Variants in AATK observed in about 807,000 individuals in gnomAD.
The protein encoded by AATK is serine/threonine-protein kinase LMTK1.
A neutral mutation model predicts 114.3 loss-of-function variants in AATK; 91 were observed. The ratio of observed to expected loss-of-function variants is 0.80; its 90% CI spans 0.67 to 0.95. AATK has a LOEUF of 0.95. AATK is among the 40% of genes least tolerant of loss of function. AATK has a pLI of 0.00. For missense variants in AATK, 2,176 were observed against 1,965.2 expected, an observed-to-expected ratio of 1.11 and a Z score of -2.03; for synonymous variants, 1,075 against 916.5, an observed-to-expected ratio of 1.17 and a Z score of -3.12.
rs2060660547 is a variant in AATK at position 81,119,486 on chromosome 17, C to CGCAGCCGGGGCGGGT, written c.3963_3977dup (p.Ala1323_Pro1327dup). ...AGAAGGGAGCGGGCGTGGGCGTGGG[C>CGCAGCCGGGGCGGGT]GCAGCCGGGGCGGGTGCGGCCGGGT... On this transcript the variant is annotated inframe_insertion, in exon 13 of 14. Coordinates refer to ENST00000326724, the MANE Select transcript of AATK (RefSeq NM_001080395.3). 3 of 1,516,308 alleles carry CGCAGCCGGGGCGGGT rather than the reference C, an allele frequency of 2.0e-6. No homozygotes were observed. The African/African-American group carries it at 4.4e-5, about 22-fold the overall frequency. 93.9% of individuals were successfully genotyped at this position (1,516,308 alleles called of 1,614,324 possible).
Position 81,134,506 on chromosome 17 carries a change from G to A in AATK, c.56-5C>T, listed in dbSNP as rs372651217. ...GCTCGCTGAGCGGGGCGCCGTCTGC[G>A]GGAGAGCAGTGTGGTGAGAGTGGCC... On this transcript the variant is annotated splice_polypyrimidine_tract_variant and splice_region_variant and intron_variant, in intron 1 of 13. Transcript: ENST00000326724. 4.3e-6 allele frequency: 7 copies of A among 1,610,216 alleles called. No homozygotes were observed. Among genetic ancestry groups the A allele is most frequent in the East Asian group, 2.2e-5 (1 of 44,706 alleles).
intron 1 of AATK, among the ~76,000 whole-genome samples, chr17:81,148,064 C>CAAAAAAAAAAAAAA (rs35731140): frequency 3.1e-4 from 32 of 101,792 alleles, no homozygotes; most frequent in South Asian, 7.7e-4. Context: ...ACAACTTTGT[C>CAAAAAAAAAAAAAA]AAAAAAAAAA....
In AATK at chr17:81,119,250, CCGGGAA is replaced by C. The variant is rs370671031; in HGVS notation, c.4084+124_4084+129del. 6.5e-4 allele frequency: 635 copies of C among 981,914 alleles called. 5 individuals carry two copies. Among genetic ancestry groups the C allele is most frequent in the South Asian group, 2.2e-3 (117 of 52,728 alleles). 60.8% of individuals were successfully genotyped at this position (981,914 alleles called of 1,614,324 possible). On this transcript the variant is annotated intron_variant, in intron 13 of 13. Coordinates refer to ENST00000326724, the MANE Select transcript of AATK (RefSeq NM_001080395.3). ...GGTCTGGGGCCGGGAAGGAGCGGGG[CCGGGAA>C]GGAGCGGAGCGGAGCGGAGCCGGGG...
intron 1 of AATK, among the ~76,000 whole-genome samples, chr17:81,162,885 A>C (rs2061442485): frequency 6.6e-6 from 1 of 151,414 alleles, no homozygotes; most frequent in African/African-American, 2.4e-5. Context: ...ACTTCCACAA[A>C]CTCCAAGCCC....
At chr17:81,133,552 G>A (rs916870443) in intron 2 of AATK, among the ~76,000 whole-genome samples, 4 of 152,206 alleles carry the variant, frequency 2.6e-5, no homozygotes, top group South Asian at 2.1e-4. Context: ...GCTGACCCCC[G>A]TGGGCGTGTG....
chr17:81,119,342 C>CCGCCTGCCCTACCTCT lies in AATK; in HGVS notation c.4084+37_4084+38insAGAGGTAGGGCAGGCG, dbSNP rs1555689598. 1.1e-4 allele frequency: 167 copies of CCGCCTGCCCTACCTCT among 1,481,004 alleles called. 2 individuals carry two copies. Among genetic ancestry groups the CCGCCTGCCCTACCTCT allele is most frequent in the Admixed American group, 1.8e-4 (8 of 44,388 alleles). 91.7% of individuals were successfully genotyped at this position (1,481,004 alleles called of 1,614,324 possible). ...CCCTCGGAGCTCCGTGCCCTGCCTCCCGCGTGCCCTTCTGCCACAGCCCCG... is the reference window on the plus strand; with the variant it reads ...CCCTCGGAGCTCCGTGCCCTGCCTCCCGCCTGCCCTACCTCTCGCGTGCCCTTCTGCCACAGCCCCG... On this transcript the variant is annotated intron_variant, in intron 13 of 13. Transcript: ENST00000326724.
intron 6 of AATK, 104 bp downstream of exon 6, chr17:81,127,479 G>A (rs978176418): frequency 1.5e-5 from 18 of 1,169,562 alleles, no homozygotes; most frequent in Non-Finnish European, 2.0e-5. Flanking sequence ...TGGCTTTAGG[G>A]AGGATGTGAG....
In AATK at chr17:81,126,453, G is replaced by C; in HGVS notation, c.729C>G (p.His243Gln). Residue 243 changes from histidine (H) to glutamine (Q), a missense_variant, in exon 7 of 14, where the codon CAC becomes CAG. His to Gln is a conservative substitution (Grantham distance 24). Coordinates refer to ENST00000326724, the MANE Select transcript of AATK (RefSeq NM_001080395.3). This position sits in a 1 kb window ranked among gnomAD's most constrained non-coding sequence, Gnocchi z 5.1. Reference sequence around the variant, plus strand: ...TGTGCACGAAATTGTTGCGATGAAGGTGCAGGACGCCACAGGCCACCTCAC... The same window carrying C: ...TGTGCACGAAATTGTTGCGATGAAGCTGCAGGACGCCACAGGCCACCTCAC... ...MACEVACGVL[H>Q]LHRNNFVHSD... The C allele has an allele frequency of 6.4e-7, 1 of 1,562,534 alleles. No homozygotes were observed. Among genetic ancestry groups the C allele is most frequent in the Non-Finnish European group, 8.7e-7 (1 of 1,153,472 alleles).
Position 81,128,541 on chromosome 17 carries a change from G to A in AATK, c.343C>T (p.Leu115Phe), listed in dbSNP as rs1444563183. The change falls in exon 4 of 14, where the codon CTC becomes TTC. Residue 115 changes from leucine to phenylalanine, a missense_variant. By Grantham distance (22) the Leu-to-Phe change is conservative. Coordinates refer to ENST00000326724, the MANE Select transcript of AATK (RefSeq NM_001080395.3). The stretch of plus-strand genomic sequence containing the variant: ...TGCCGGCCCACGTCTGTGGACTTGA[G>A]GAGCTGCACTGTAACCAAGCAGGGG... ...AKQPGRSVQL[L>F]KSTDVGRHSL... 6.5e-7 allele frequency: 1 copy of A among 1,549,148 alleles called. No homozygotes were observed. Among genetic ancestry groups the A allele is most frequent in the Admixed American group, 2.0e-5 (1 of 51,000 alleles).
Position 81,121,402 on chromosome 17 carries a change from T to C in AATK, c.2534A>G (p.Asn845Ser), listed in dbSNP as rs2060698008. Residue 845 changes from asparagine to serine, a missense_variant, in exon 11 of 14, where the codon AAT becomes AGT. By Grantham distance (46) the Asn-to-Ser change is conservative (BLOSUM62 1). Coordinates refer to ENST00000326724, the MANE Select transcript of AATK (RefSeq NM_001080395.3). Reference sequence around the variant, plus strand: ...CACCTCGGGAGAGCTGCTGCTGCCATTCAGGGCAGAAGCCAGCTTGATGGC... The same window carrying C: ...CACCTCGGGAGAGCTGCTGCTGCCACTCAGGGCAGAAGCCAGCTTGATGGC... Reference protein sequence around the residue: ...VSAIKLASALNGSSSSPEVEA... With the variant: ...VSAIKLASALSGSSSSPEVEA... 1 of 1,608,710 alleles carries C rather than the reference T, an allele frequency of 6.2e-7. No individual in the cohort carries two copies. Among genetic ancestry groups the C allele is most frequent in the Admixed American group, 1.7e-5 (1 of 59,660 alleles).
chr17:81,164,443 T>C (rs2061461863), intron 1 of AATK, among the ~76,000 whole-genome samples: 1 of 152,216 alleles, frequency 6.6e-6, no homozygotes, highest in African/African-American at 2.4e-5. Flanking sequence ...CCCAGCATCT[T>C]GCAGAGGAGA....
chr17:81,123,955 C>T (rs2060743931), intron 9 of AATK, among the ~76,000 whole-genome samples: 1 of 152,154 alleles, frequency 6.6e-6, no homozygotes, highest in South Asian at 2.1e-4. Context: ...TGACCTTGGC[C>T]AGAGCCCTGT....
At chr17:81,123,171 G>C in intron 10 of AATK, 23 bp downstream of exon 10, 1 of 1,419,908 alleles carries the variant, frequency 7.0e-7, no homozygotes, top group Non-Finnish European at 9.2e-7. Flanking sequence ...TGGCTGTCCG[G>C]GACAGGGCAG....
intron 1 of AATK, among the ~76,000 whole-genome samples, chr17:81,163,632 G>C (rs979590684): frequency 2.0e-5 from 3 of 152,256 alleles, no homozygotes; most frequent in Non-Finnish European, 2.9e-5. Context: ...GCTCTTCCTG[G>C]CACTCAAGCA....
intron 1 of AATK, among the ~76,000 whole-genome samples, chr17:81,149,334 C>T (rs4969406): frequency 0.38 from 58,230 of 151,392 alleles, 11,948 homozygotes; most frequent in South Asian, 0.54. Flanking sequence ...CCTGGAGTTT[C>T]CCAACCACAC....
In AATK at chr17:81,118,579, G is replaced by A. The variant is rs527394201; in HGVS notation, c.4085-137C>T. ...CCTGCAGCAGATCTGGCTGTGTCTA[G>A]GTGAGAGATGGACCCATTTCCCCCA... On this transcript the variant is annotated intron_variant, in intron 13 of 13. Coordinates refer to ENST00000326724, the MANE Select transcript of AATK (RefSeq NM_001080395.3). The A allele has an allele frequency of 3.5e-6, 3 of 849,930 alleles. No homozygotes were observed. The East Asian group carries it at 8.1e-5, about 23-fold the overall frequency. The allele number at this position is 849,930 out of a possible 1,614,324, so 52.6% of individuals were successfully genotyped here. A position where few individuals can be genotyped will look rare whatever the true frequency, so the allele number is the denominator to read the frequency against.
intron 1 of AATK, among the ~76,000 whole-genome samples, chr17:81,163,070 C>T (rs1407320398): frequency 6.6e-6 from 1 of 152,218 alleles, no homozygotes; most frequent in East Asian, 1.9e-4. Context: ...AGAAGGGCCC[C>T]TCAGCAAACC....
At chr17:81,146,653 T>G (rs2061224606) in intron 1 of AATK, among the ~76,000 whole-genome samples, 1 of 151,568 alleles carries the variant, frequency 6.6e-6, no homozygotes, top group African/African-American at 2.4e-5. Context: ...GAGGTAGAGG[T>G]TGTAGTGAGC....
At chr17:81,118,538 C>A in intron 13 of AATK, 96 bp from the exon 14 acceptor site, 1 of 1,303,472 alleles carries the variant, frequency 7.7e-7, no homozygotes, top group South Asian at 1.3e-5. Flanking sequence ...GGCCCACATA[C>A]AGGCCGGGCC....
Sources: gnomAD v4.1 joint callset for allele counts (sites outside exome capture counted in the v4.1 genomes callset) on GRCh38, gnomAD v4.1.1 for gene constraint, Gnocchi (gnomAD v3.1) non-coding constraint, MANE v1.5 for transcripts, NCBI Gene and HGNC (gene_info 2026-07-23, HGNC 2026-07-21) for gene names.